Variants in CD247 observed in about 807,000 individuals in gnomAD.
The protein encoded by CD247 is T-cell surface glycoprotein CD3 zeta chain.
In CD247, 13 loss-of-function variants were observed where a neutral mutation model predicts 30.0. The ratio of observed to expected loss-of-function variants is 0.43; its 90% CI spans 0.28 to 0.69. CD247 has a LOEUF of 0.69. CD247 is among the 30% of genes least tolerant of loss of function. CD247 has a pLI of 0.16. For missense variants in CD247, 193 were observed against 212.6 expected (o/e 0.91, Z 0.57); for synonymous variants, 72 against 80.0 (o/e 0.90, Z 0.53).
At chr1:167,441,717 C>CTT (rs1651840186) in intron 1 of CD247, among the ~76,000 whole-genome samples, 24 of 152,232 alleles carry the variant, frequency 1.6e-4, no homozygotes, top group Admixed American at 1.6e-3. Context: ...CCATATTAAC[C>CTT]TTTGTCAAGC....
chr1:167,498,545 G>T (rs858542), intron 1 of CD247, among the ~76,000 whole-genome samples: 19,467 of 152,214 alleles, frequency 0.13, 2,755 homozygotes, highest in African/African-American at 0.35. Flanking sequence ...TTTGTAAAAT[G>T]TACAGTAATC....
At chr1:167,466,900 C>T (rs372698026) in intron 1 of CD247, among the ~76,000 whole-genome samples, 5 of 151,198 alleles carry the variant, frequency 3.3e-5, no homozygotes, top group Admixed American at 2.6e-4. Flanking sequence ...AGTGCAGTGG[C>T]GCAATCTCAG....
rs568992730 is a variant in CD247, at chr1:167,495,428, G to A, written c.58+22980C>T. On this transcript the variant is annotated intron_variant, in intron 1 of 7. Coordinates refer to ENST00000362089, the MANE Select transcript of CD247 (RefSeq NM_198053.3). ...CCAGAGGGAAGAAGAGTGTGCTCCC[G>A]TTTAATCCTTATCACCTACGCAGTG... 5.9e-4 allele frequency among the ~76,000 whole-genome samples: 90 copies of A among 152,226 alleles called. 1 individual carries two copies. Among genetic ancestry groups the A allele is most frequent in the African/African-American group, 1.7e-3 (70 of 41,516 alleles).
chr1:167,503,762 G>A (rs1655005955), intron 1 of CD247, among the ~76,000 whole-genome samples: 1 of 152,148 alleles, frequency 6.6e-6, no homozygotes. Context: ...CTGGGACCAG[G>A]AACCATGGGG....
chr1:167,499,076 TCACGGAG>T lies in CD247; in HGVS notation c.58+19325_58+19331del, dbSNP rs58844194. 9.0e-3 allele frequency among the ~76,000 whole-genome samples: 1,377 copies of T among 152,290 alleles called. 20 individuals are homozygous for T. The highest frequency in any genetic ancestry group is 0.032 in the African/African-American group (1,313 of 41,542). On this transcript the variant is annotated intron_variant, in intron 1 of 7. Transcript: ENST00000362089. ...TGAATTGTCCATCATGGCCTAATCA[TCACGGAG>T]TGATTGATCAACACAAATGATGACT...
At chr1:167,478,665 G>A (rs937487893) in intron 1 of CD247, among the ~76,000 whole-genome samples, 1 of 152,166 alleles carries the variant, frequency 6.6e-6, no homozygotes, top group East Asian at 1.9e-4. Context: ...CTGTGAAGGC[G>A]AGATTAAAAA....
At chr1:167,462,949 T>C (rs922649678) in intron 1 of CD247, among the ~76,000 whole-genome samples, 1 of 152,220 alleles carries the variant, frequency 6.6e-6, no homozygotes, top group African/African-American at 2.4e-5. Flanking sequence ...CTTCCATCTT[T>C]ACTCTTGATA....
Position 167,493,183 on chromosome 1 carries a change from C to A in CD247, c.58+25225G>T, listed in dbSNP as rs551549932. ...TCAGCCTCCTGAGTAGTTGGGATTACAGGTGTCCACCACTATGCCCAGCTA... is the reference window on the plus strand; with the variant it reads ...TCAGCCTCCTGAGTAGTTGGGATTAAAGGTGTCCACCACTATGCCCAGCTA... On this transcript the variant is annotated intron_variant, in intron 1 of 7. Transcript: ENST00000362089. Among the ~76,000 whole-genome samples, 38 of 151,606 alleles carry A rather than the reference C, an allele frequency of 2.5e-4. No individual in the cohort carries two copies. In the South Asian group the frequency reaches 3.3e-3, roughly 13 times the overall value.
chr1:167,469,550 G>A (rs1399229174), intron 1 of CD247, among the ~76,000 whole-genome samples: 2 of 152,142 alleles, frequency 1.3e-5, no homozygotes, highest in Admixed American at 6.5e-5. Flanking sequence ...CATTGACTCT[G>A]CATTTTTTAA....
chr1:167,493,037 CTTT>C (rs60850667), intron 1 of CD247, among the ~76,000 whole-genome samples: 5 of 80,366 alleles, frequency 6.2e-5, no homozygotes, highest in East Asian at 7.2e-4. Context: ...AATTTTTCTC[CTTT>C]TTTTTTTTTT....
intron 6 of CD247, among the ~76,000 whole-genome samples, chr1:167,433,301 A>G (rs1290728626): frequency 6.6e-6 from 1 of 152,218 alleles, no homozygotes; most frequent in Non-Finnish European, 1.5e-5. Context: ...AGATCCTCAC[A>G]GACATCAGAT....
At chr1:167,487,710 G>A (rs1413321051) in intron 1 of CD247, among the ~76,000 whole-genome samples, 1 of 152,200 alleles carries the variant, frequency 6.6e-6, no homozygotes, top group Non-Finnish European at 1.5e-5. Flanking sequence ...AGTGAGAAGT[G>A]TGGGTCCTAC....
At chr1:167,496,679 G>A (rs970648035) in intron 1 of CD247, among the ~76,000 whole-genome samples, 2 of 152,200 alleles carry the variant, frequency 1.3e-5, no homozygotes, top group Admixed American at 6.5e-5. Flanking sequence ...CTGAGAAGTG[G>A]GTAAGGGTTG....
chr1:167,487,152 G>A (rs1278004897), intron 1 of CD247, among the ~76,000 whole-genome samples: 2 of 149,580 alleles, frequency 1.3e-5, no homozygotes, highest in African/African-American at 2.5e-5. Context: ...GCCGAGGTGT[G>A]TGGATCACGG....
chr1:167,431,822 A>G (rs764736655), intron 7 of CD247, 76 bp from the exon 8 acceptor site: 361 of 1,250,176 alleles, frequency 2.9e-4, no homozygotes, highest in Non-Finnish European at 4.2e-4. Flanking sequence ...AGAGGCCAAC[A>G]GGTGTCTCTG....
intron 7 of CD247, 136 bp downstream of exon 7, chr1:167,432,888 T>C (rs1651340683): frequency 1.1e-6 from 1 of 889,972 alleles, no homozygotes; most frequent in South Asian, 1.4e-5. Flanking sequence ...GCCACTGGCC[T>C]AAATGGGTGC....
rs948956016 is a variant in CD247, at chr1:167,430,786, T to C, written c.*895A>G. 1.3e-5 allele frequency: 5 copies of C among 398,618 alleles called. No individual in the cohort carries two copies. 24.7% of individuals were successfully genotyped at this position (398,618 alleles called of 1,614,324 possible). A position where few individuals can be genotyped will look rare whatever the true frequency, so the allele number is the denominator to read the frequency against. ...ATGACGCAGCAGTATCCTAGTACATTGACGGGTTTTTCCTGTCCTGCCACT... is the reference window on the plus strand; with the variant it reads ...ATGACGCAGCAGTATCCTAGTACATCGACGGGTTTTTCCTGTCCTGCCACT... On this transcript the variant is annotated 3_prime_UTR_variant, in exon 8 of 8. Coordinates refer to ENST00000362089, the MANE Select transcript of CD247 (RefSeq NM_198053.3).
chr1:167,435,528 T>C, intron 4 of CD247, 94 bp from the exon 5 acceptor site: 1 of 994,676 alleles, frequency 1.0e-6, no homozygotes, highest in Non-Finnish European at 1.6e-6. Flanking sequence ...TGACTGCAGT[T>C]TCCTGGGGCT....
chr1:167,439,164 G>A (rs763752398), intron 3 of CD247, among the ~76,000 whole-genome samples, 180 bp downstream of exon 3: 16 of 152,106 alleles, frequency 1.1e-4, no homozygotes, highest in Admixed American at 1.0e-3. Context: ...CTTTGAGACA[G>A]GTACAATTAC....
Sources: allele counts gnomAD v4.1 joint callset (sites outside exome capture counted in the v4.1 genomes callset), GRCh38; gene constraint gnomAD v4.1.1; transcripts MANE v1.5; gene names NCBI Gene and HGNC (gene_info 2026-07-23, HGNC 2026-07-21).